CNTNAP1: variants seen among roughly 807,000 people sequenced by gnomAD.
CNTNAP1 encodes the protein contactin associated protein 1.
CNTNAP1 carries 80 observed loss-of-function variants against 161.5 expected under a neutral mutation model. The ratio of observed to expected loss-of-function variants is 0.50; its 90% confidence interval spans 0.41 to 0.60. The LOEUF (loss-of-function observed/expected upper bound fraction) is 0.60, where lower values mean the gene tolerates loss of function less well. Among genes scored for constraint, CNTNAP1 ranks in the 20% least tolerant of loss-of-function variants. CNTNAP1 has a pLI of 0.00. For synonymous variants in CNTNAP1, 695 were observed against 733.1 expected, an observed-to-expected ratio of 0.95 and a Z score of 0.84; for missense variants, 1,464 against 1,854.8, an observed-to-expected ratio of 0.79 and a Z score of 3.87.
Position 42,697,566 on chromosome 17 carries a change from T to A in CNTNAP1, c.3581T>A (p.Ile1194Asn). 1 of 1,614,024 alleles carries A rather than the reference T, an allele frequency of 6.2e-7. No homozygotes were observed. ...GCCTCTCTCTCAGAGACAGGAGTCATTGACCCGGAGATCCAGCGCTACAAC... is the reference window on the plus strand; with the variant it reads ...GCCTCTCTCTCAGAGACAGGAGTCAATGACCCGGAGATCCAGCGCTACAAC... ...YLGRVMETGV[I>N]DPEIQRYNTP... The change falls in exon 22 of 24, where the codon ATT becomes AAT. Residue 1194 changes from isoleucine (I) to asparagine (N), a missense_variant. Transcript: ENST00000264638.
In CNTNAP1 at chr17:42,687,887, G is replaced by C. The variant is rs1421826396; in HGVS notation, c.1212G>C (p.Gly404=). Residue 404 remains glycine, a synonymous_variant, in exon 8 of 24, where the codon GGG becomes GGC. Coordinates refer to ENST00000264638, the MANE Select transcript of CNTNAP1 (RefSeq NM_003632.3). This position sits in a 1 kb window ranked among gnomAD's most constrained non-coding sequence, Gnocchi z 4.7. The part of the protein sequence containing the change: ...LTGLLLFSRL[G]DGLGHVELTL... ...GGCTTCTCCTTTTCTCCCGTCTGGG[G>C]GACGGGCTGGGCCACGTGGAGCTGA... The C allele has an allele frequency of 1.2e-6, 2 of 1,614,186 alleles. No individual in the cohort carries two copies. Among genetic ancestry groups the C allele is most frequent in the Admixed American group, 1.7e-5 (1 of 60,020 alleles).
At chr17:42,688,014 A>G in intron 8 of CNTNAP1, 33 bp downstream of exon 8, 6 of 1,603,316 alleles carry the variant, frequency 3.7e-6, no homozygotes, top group Non-Finnish European at 5.1e-6. Context: ...ACAAGAAGAG[A>G]AGAGAAGTGT....
chr17:42,689,526 G>A lies in CNTNAP1; in HGVS notation c.1634G>A (p.Ser545Asn). The change falls in exon 11 of 24, where the codon AGC becomes AAC. Residue 545 changes from serine (S) to asparagine (N), a missense_variant. Ser to Asn is a conservative substitution (Grantham distance 46). Around this residue, in one of 3 missense-constraint regions of CNTNAP1, gnomAD observed 1,383 missense variants for 1,765.0 expected, o/e 0.78. Transcript: ENST00000264638. ...FDTCGITDRC[S>N]PNMCEHDGRC... ...GGTCCTGACCCCTTCCCTAGGTGCAGCCCTAACATGTGTGAGCATGATGGA... is the reference window on the plus strand; with the variant it reads ...GGTCCTGACCCCTTCCCTAGGTGCAACCCTAACATGTGTGAGCATGATGGA... 1.2e-6 allele frequency: 2 copies of A among 1,613,372 alleles called. No homozygotes were observed. The highest frequency in any genetic ancestry group is 2.2e-5 in the South Asian group (2 of 91,032).
In CNTNAP1 at chr17:42,687,426, A is replaced by T; in HGVS notation, c.1045-294A>T. On this transcript the variant is annotated intron_variant, in intron 7 of 23. Transcript: ENST00000264638. This position sits in a 1 kb window ranked among gnomAD's most constrained non-coding sequence, Gnocchi z 4.7. ...CTCTGTTGGGAAGCTGGCAGGAGCC[A>T]GGTCTGTGGTCCAAAATTGCCTCTC... 1 of 528,448 alleles carries T rather than the reference A, an allele frequency of 1.9e-6. No homozygotes were observed. The highest frequency in any genetic ancestry group is 3.4e-6 in the Non-Finnish European group (1 of 297,224). 32.7% of individuals were successfully genotyped at this position (528,448 alleles called of 1,614,324 possible).
At chr17:42,683,205 G>T (rs1322786114) in intron 1 of CNTNAP1, 28 of 536,520 alleles carry the variant, frequency 5.2e-5, no homozygotes, top group Non-Finnish European at 1.5e-5. Context: ...GTATACTGGT[G>T]ACCGATACTA....
In CNTNAP1 at chr17:42,698,928, G is replaced by A. The variant is rs2053190983; in HGVS notation, c.*18G>A. The A allele has an allele frequency of 3.4e-6, 5 of 1,481,074 alleles. No individual in the cohort carries two copies. The highest frequency in any genetic ancestry group is 2.5e-4 in the Middle Eastern group (1 of 3,972). 91.7% of individuals were successfully genotyped at this position (1,481,074 alleles called of 1,614,324 possible). On this transcript the variant is annotated 3_prime_UTR_variant, in exon 24 of 24. Transcript: ENST00000264638. ...CTGAATGAGTCAGAAGGGCTTCTGG[G>A]ACCAATTCCAGCTCCTGACATTCCC... is the stretch of plus-strand genomic sequence containing the variant.
intron 1 of CNTNAP1, 156 bp from the exon 2 acceptor site, chr17:42,683,665 C>G (rs2052967117): frequency 1.4e-6 from 2 of 1,438,068 alleles, no homozygotes; most frequent in African/African-American, 2.9e-5. Flanking sequence ...TTGCTGCAGC[C>G]AGGATTGAAT....
Position 42,688,995 on chromosome 17 carries a change from C to A in CNTNAP1, c.1576C>A (p.Arg526=), listed in dbSNP as rs760759398. The change falls in exon 10 of 24, where the codon CGG becomes AGG. Residue 526 remains arginine, a synonymous_variant. Transcript: ENST00000264638. ...LVNLTLVEGR[R]LGFYAEVLFD... ...CAACCTGACTCTGGTGGAGGGCCGGCGGCTTGGATTCTATGCTGAGGTCCT... is the reference window on the plus strand; with the variant it reads ...CAACCTGACTCTGGTGGAGGGCCGGAGGCTTGGATTCTATGCTGAGGTCCT... 3.9e-5 allele frequency: 63 copies of A among 1,611,102 alleles called. No homozygotes were observed. The highest frequency in any genetic ancestry group is 3.0e-4 in the Admixed American group (18 of 59,632).
At position 42,687,141 on chromosome 17, in the gene CNTNAP1, G is replaced by A; in HGVS notation, c.1044+95G>A. On this transcript the variant is annotated intron_variant, in intron 7 of 23. Coordinates refer to ENST00000264638, the MANE Select transcript of CNTNAP1 (RefSeq NM_003632.3). The surrounding 1 kb of genome is among the most constrained non-coding windows in gnomAD (Gnocchi z 4.7). Reference sequence around the variant, plus strand: ...AAGAGATATTGAACATCAGATAAAAGCGGAGAATCCCTCTGTCCCCAGCCA... The same window carrying A: ...AAGAGATATTGAACATCAGATAAAAACGGAGAATCCCTCTGTCCCCAGCCA... 1.3e-6 allele frequency: 2 copies of A among 1,508,904 alleles called. No individual in the cohort carries two copies. Among genetic ancestry groups the A allele is most frequent in the Non-Finnish European group, 1.8e-6 (2 of 1,113,132 alleles). 93.5% of individuals were successfully genotyped at this position (1,508,904 alleles called of 1,614,324 possible).
rs1241063012 is a variant in CNTNAP1, at chr17:42,692,569, C to G, written c.2601C>G (p.Asp867Glu). The change falls in exon 17 of 24, where the codon GAC becomes GAG. Residue 867 changes from aspartate to glutamate, a missense_variant. Around this residue, in one of 3 missense-constraint regions of CNTNAP1, gnomAD observed 1,383 missense variants for 1,765.0 expected, o/e 0.78. Coordinates refer to ENST00000264638, the MANE Select transcript of CNTNAP1 (RefSeq NM_003632.3). ...GDENLTVHSDDFEFNDDEWHL... is the reference protein window; with the variant it reads ...GDENLTVHSDEFEFNDDEWHL... ...AGAACCTCACAGTACACTCAGACGA[C>G]TTTGAGTTCAATGATGACGAGTGGC... The G allele has an allele frequency of 6.2e-7, 1 of 1,614,222 alleles. No homozygotes were observed. Among genetic ancestry groups the G allele is most frequent in the Non-Finnish European group, 8.5e-7 (1 of 1,180,042 alleles).
intron 3 of CNTNAP1, 135 bp from the exon 4 acceptor site, chr17:42,684,856 C>A: frequency 2.0e-6 from 2 of 980,782 alleles, no homozygotes; most frequent in Non-Finnish European, 2.9e-6. Context: ...ACCCGGGAGG[C>A]AGAGGTTGCG....
In CNTNAP1 at chr17:42,682,691, G is replaced by A; in HGVS notation, c.-139G>A. On this transcript the variant is annotated 5_prime_UTR_variant, in exon 1 of 24. Transcript: ENST00000264638. ...GACAGAGCGCTTGGGGGCGAAAGGA[G>A]AGAGGGAGGGAAGGGTGGGTAAGGA... 1.3e-6 allele frequency: 1 copy of A among 774,344 alleles called. No individual in the cohort carries two copies. The highest frequency in any genetic ancestry group is 2.7e-5 in the East Asian group (1 of 37,110). The allele number at this position is 774,344 out of a possible 1,614,324, so 48.0% of individuals were successfully genotyped here. A position where few individuals can be genotyped will look rare whatever the true frequency, so the allele number is the denominator to read the frequency against.
At position 42,684,079 on chromosome 17, in the gene CNTNAP1, G is replaced by A; in HGVS notation, c.213G>A (p.Trp71Ter). 6.2e-7 allele frequency: 1 copy of A among 1,614,194 alleles called. No individual in the cohort carries two copies. Among genetic ancestry groups the A allele is most frequent in the Non-Finnish European group, 8.5e-7 (1 of 1,180,032 alleles). ...CACGGATTGGGGATCCGAATCCCTG[G>A]CTCCAGATAGACTTAATGAAGAAGC... is the stretch of plus-strand genomic sequence containing the variant. ...WSPRIGDPNP[W>*]LQIDLMKKHR... The change falls in exon 3 of 24, where the codon TGG becomes TGA. Residue 71 changes from tryptophan to a stop codon, truncating the protein, a stop_gained. Coordinates refer to ENST00000264638, the MANE Select transcript of CNTNAP1 (RefSeq NM_003632.3). LOFTEE classifies it high-confidence loss of function.
rs2053115996 is a variant in CNTNAP1, at chr17:42,693,397, G to A, written c.2853G>A (p.Glu951=). 1.2e-6 allele frequency: 2 copies of A among 1,614,118 alleles called. No individual in the cohort carries two copies. Among genetic ancestry groups the A allele is most frequent in the African/African-American group, 2.7e-5 (2 of 74,938 alleles). Residue 951 remains glutamate (E), a synonymous_variant, in exon 18 of 24, where the codon GAG becomes GAA. Transcript: ENST00000264638. ...TGGAGGGCCGTGCCAATGCCTCTGA[G>A]GGTACCTCACCCAACTGCACAGGCC... ...LNLEGRANAS[E]GTSPNCTGHC...
rs1567969825 is a variant in CNTNAP1 at position 42,685,340 on chromosome 17, T to C, written c.635T>C (p.Leu212Pro). ...AAGACCGAGGAGAAGGACGGTCTTC[T>C]GCTGCACGCCGAGGGCGCCCAGGGC... ...SFKTEEKDGL[L>P]LHAEGAQGDY... The change falls in exon 5 of 24, where the codon CTG (leucine) becomes CCG (proline). Residue 212 changes from leucine to proline, a missense_variant. Leu to Pro is a moderately conservative substitution (Grantham distance 98). Transcript: ENST00000264638. This position sits in a 1 kb window ranked among gnomAD's most constrained non-coding sequence, Gnocchi z 5.0. 5 of 1,611,136 alleles carry C rather than the reference T, an allele frequency of 3.1e-6. No individual in the cohort carries two copies. The highest frequency in any genetic ancestry group is 3.4e-6 in the Non-Finnish European group (4 of 1,179,986).
chr17:42,689,529 CT>C lies in CNTNAP1; in HGVS notation c.1638del (p.Asn547ThrfsTer22). 4.3e-6 allele frequency: 7 copies of C among 1,613,468 alleles called. No individual in the cohort carries two copies. Among genetic ancestry groups the C allele is most frequent in the Non-Finnish European group, 5.9e-6 (7 of 1,179,640 alleles). ...DTCGITDRCS[P>X]NMCEHDGRCY... is the part of the protein sequence containing the mutation. ...CCTGACCCCTTCCCTAGGTGCAGCCCTAACATGTGTGAGCATGATGGACGCT... is the reference window on the plus strand; with the variant it reads ...CCTGACCCCTTCCCTAGGTGCAGCCCAACATGTGTGAGCATGATGGACGCT... On this transcript the variant is annotated frameshift_variant, in exon 11 of 24. Coordinates refer to ENST00000264638, the MANE Select transcript of CNTNAP1 (RefSeq NM_003632.3). LOFTEE classifies it high-confidence loss of function.
At chr17:42,686,231 C>G in intron 6 of CNTNAP1, 90 bp downstream of exon 6, 1 of 1,305,224 alleles carries the variant, frequency 7.7e-7, no homozygotes, top group Non-Finnish European at 1.1e-6. Flanking sequence ...TTTCCTCTGT[C>G]TCTCAGAGGA....
rs114871554 is a variant in CNTNAP1, at chr17:42,684,244, A to C, written c.363+15A>C. 8,324 of 1,606,670 alleles carry C rather than the reference A, an allele frequency of 5.2e-3. 381 individuals are homozygous for C. In the African/African-American group the frequency reaches 0.098, roughly 19 times the overall value. On this transcript the variant is annotated intron_variant, in intron 3 of 23. Coordinates refer to ENST00000264638, the MANE Select transcript of CNTNAP1 (RefSeq NM_003632.3). ...GGCACAACTCGGTACTCTGGGCGCC[A>C]AGGCGGTAACACTTGGGGAGCTTCC...
rs1285913802 is a variant in CNTNAP1 at position 42,696,114 on chromosome 17, A to G, written c.3436A>G (p.Ile1146Val). Residue 1146 changes from isoleucine to valine, a missense_variant, in exon 20 of 24, where the codon ATC becomes GTC. Coordinates refer to ENST00000264638, the MANE Select transcript of CNTNAP1 (RefSeq NM_003632.3). Reference protein sequence around the residue: ...RPVTDGQPHSINITRVYRNLF... With the variant: ...RPVTDGQPHSVNITRVYRNLF... ...AGTGACCGATGGCCAGCCCCATAGCATCAATATCACCCGTGTTTACCGGAA... is the reference window on the plus strand; with the variant it reads ...AGTGACCGATGGCCAGCCCCATAGCGTCAATATCACCCGTGTTTACCGGAA... The G allele has an allele frequency of 6.2e-7, 1 of 1,614,142 alleles. No homozygotes were observed. The highest frequency in any genetic ancestry group is 1.7e-5 in the Admixed American group (1 of 60,014).
Sources: gnomAD v4.1 joint callset for allele counts on GRCh38, gnomAD v4.1.1 for gene constraint, gnomAD v4.1.1 regional missense constraint, Gnocchi (gnomAD v3.1) non-coding constraint, MANE v1.5 for transcripts, NCBI Gene and HGNC (gene_info 2026-07-23, HGNC 2026-07-21) for gene names.